RBM34: variants seen among roughly 807,000 people sequenced by gnomAD.
RBM34 encodes RNA binding motif protein 34.
In RBM34, 39 loss-of-function variants were observed where a neutral mutation model predicts 44.6. That is an observed-to-expected ratio of 0.87 (90% confidence interval 0.68 to 1.14). RBM34 has a LOEUF of 1.14. Among genes scored for constraint, RBM34 ranks in the 50% most tolerant of loss-of-function variants. RBM34 has a pLI of 0.00. For synonymous variants in RBM34, 194 were observed against 184.0 expected (o/e 1.05, Z -0.44); for missense variants, 572 against 517.9 (o/e 1.10, Z -1.01).
At position 235,159,776 on chromosome 1, in the gene RBM34, G is replaced by GA. The variant is rs576286631; in HGVS notation, c.365+734dup. Reference sequence around the variant, plus strand: ...CAGCTCCACGGGAGGCCTGAGGCAGGAAAAATCACTTAAACCCGGGAGGTG... The same window carrying GA: ...CAGCTCCACGGGAGGCCTGAGGCAGGAAAAAATCACTTAAACCCGGGAGGTG... On this transcript the variant is annotated intron_variant, in intron 3 of 10. Coordinates refer to ENST00000408888, the MANE Select transcript of RBM34 (RefSeq NM_015014.4). Among the ~76,000 whole-genome samples, 254 of 148,284 alleles carry GA rather than the reference G, an allele frequency of 1.7e-3. 1 individual carries two copies. Among genetic ancestry groups the GA allele is most frequent in the Non-Finnish European group, 2.3e-3 (157 of 67,562 alleles).
At chr1:235,156,445 T>A in intron 3 of RBM34, 1 of 247,036 alleles carries the variant, frequency 4.0e-6, no homozygotes, top group Non-Finnish European at 8.6e-6. Context: ...CATTTTCTAC[T>A]CTAGACCTTT....
chr1:235,155,850 T>TATATATATATATAC (rs1662407405), intron 3 of RBM34, among the ~76,000 whole-genome samples: 1 of 28,812 alleles, frequency 3.5e-5, no homozygotes, highest in Non-Finnish European at 6.0e-5. Flanking sequence ...TATATATATA[T>TATATATATATATAC]ATATATATAT....
chr1:235,139,917 C>A (rs79902876), intron 6 of RBM34, among the ~76,000 whole-genome samples: 1 of 152,066 alleles, frequency 6.6e-6, no homozygotes, highest in Non-Finnish European at 1.5e-5. Flanking sequence ...TAGAGCTCAG[C>A]GTGGGCTGGG....
chr1:235,140,868 A>C (rs959445158), intron 6 of RBM34, among the ~76,000 whole-genome samples: 7 of 146,474 alleles, frequency 4.8e-5, no homozygotes, highest in Admixed American at 3.4e-4. Context: ...TCGACACTCT[A>C]TATCTAGCTA....
rs1023803626 is a variant in RBM34, at chr1:235,160,964, T to C, written c.157A>G (p.Thr53Ala). The C allele has an allele frequency of 1.2e-6, 2 of 1,614,024 alleles. No individual in the cohort carries two copies. Among genetic ancestry groups the C allele is most frequent in the Admixed American group, 1.7e-5 (1 of 59,990 alleles). Residue 53 changes from threonine to alanine, a missense_variant, in exon 2 of 11, where the codon ACC becomes GCC. By Grantham distance (58) the Thr-to-Ala change is moderately conservative. Transcript: ENST00000408888. ...FRGEHHSRGGTGRLASLFSSL... is the reference protein window; with the variant it reads ...FRGEHHSRGGAGRLASLFSSL... ...CTGAAGAGGGACGCCAGCCGACCGGTGCCACCTCTGGAATGGTGTTCGCCG... is the reference window on the plus strand; with the variant it reads ...CTGAAGAGGGACGCCAGCCGACCGGCGCCACCTCTGGAATGGTGTTCGCCG...
chr1:235,132,168 G>C (rs375616401), intron 10 of RBM34, among the ~76,000 whole-genome samples, 171 bp from the exon 11 acceptor site: 1 of 151,746 alleles, frequency 6.6e-6, no homozygotes, highest in Admixed American at 6.6e-5. Flanking sequence ...CACCATGCTC[G>C]TCACCAGTGT....
rs1159762547 is a variant in RBM34 at position 235,139,467 on chromosome 1, G to T, written c.702-1293C>A. Among the ~76,000 whole-genome samples, 3 of 152,056 alleles carry T rather than the reference G, an allele frequency of 2.0e-5. No homozygotes were observed. The East Asian group carries it at 5.8e-4, about 29-fold the overall frequency. Reference sequence around the variant, plus strand: ...GAATAAGGAAGCTGAGACTGGAAGAGGTACGTGACTGCGATGAAATGGCAA... The same window carrying T: ...GAATAAGGAAGCTGAGACTGGAAGATGTACGTGACTGCGATGAAATGGCAA... On this transcript the variant is annotated intron_variant, in intron 6 of 10. Coordinates refer to ENST00000408888, the MANE Select transcript of RBM34 (RefSeq NM_015014.4).
intron 10 of RBM34, among the ~76,000 whole-genome samples, chr1:235,133,540 G>A (rs1661297481): frequency 2.0e-5 from 3 of 152,242 alleles, no homozygotes; most frequent in East Asian, 1.9e-4. Context: ...CTATAAAAAT[G>A]GCAGCACAAG....
At chr1:235,157,927 G>A (rs1399639177) in intron 3 of RBM34, among the ~76,000 whole-genome samples, 6 of 152,156 alleles carry the variant, frequency 3.9e-5, no homozygotes, top group Admixed American at 6.6e-5. Context: ...ATCCAAGTGC[G>A]TGGAAGGGTG....
At chr1:235,140,499 G>A (rs532077047) in intron 6 of RBM34, among the ~76,000 whole-genome samples, 150 of 152,328 alleles carry the variant, frequency 9.8e-4, no homozygotes, top group Middle Eastern at 3.4e-3. Flanking sequence ...CGCTACGCTC[G>A]ATTTCTCACC....
At chr1:235,149,748 G>A (rs1359122126) in intron 5 of RBM34, among the ~76,000 whole-genome samples, 1 of 152,122 alleles carries the variant, frequency 6.6e-6, no homozygotes, top group East Asian at 1.9e-4. Flanking sequence ...AGAAGATCAA[G>A]GTGAAAAGAT....
intron 3 of RBM34, among the ~76,000 whole-genome samples, chr1:235,158,963 TAAA>T (rs143616969): frequency 3.2e-5 from 4 of 125,518 alleles, no homozygotes; most frequent in Admixed American, 8.1e-5. Context: ...ATTTTTTTAC[TAAA>T]AAAAAAAAAA....
chr1:235,146,056 C>A (rs1482966279), intron 6 of RBM34, among the ~76,000 whole-genome samples: 1 of 147,228 alleles, frequency 6.8e-6, no homozygotes, highest in East Asian at 2.0e-4. Context: ...AGCTCCACTT[C>A]CTGAGCTCAG....
chr1:235,152,713 C>A lies in RBM34; in HGVS notation c.650G>T (p.Arg217Leu), dbSNP rs372663591. The A allele has an allele frequency of 6.3e-7, 1 of 1,598,902 alleles. No individual in the cohort carries two copies. Among genetic ancestry groups the A allele is most frequent in the African/African-American group, 1.4e-5 (1 of 74,064 alleles). Residue 217 changes from arginine (R) to leucine (L), a missense_variant, in exon 5 of 11, where the codon CGT (arginine) becomes CTT (leucine). Transcript: ENST00000408888. Reference sequence around the variant, plus strand: ...CGGGGGAATGAAACATACCAGAGAACGAAATCGTACAGATTCTATTTGTCC... The same window carrying A: ...CGGGGGAATGAAACATACCAGAGAAAGAAATCGTACAGATTCTATTTGTCC... Reference protein sequence around the residue: ...EYGQIESVRFRSLIPAEGTLS... With the variant: ...EYGQIESVRFLSLIPAEGTLS...
intron 8 of RBM34, among the ~76,000 whole-genome samples, chr1:235,137,371 C>T (rs1397532914): frequency 6.6e-6 from 1 of 152,008 alleles, no homozygotes; most frequent in African/African-American, 2.4e-5. Flanking sequence ...TTGAAGAGGA[C>T]TATGTTTTTG....
intron 3 of RBM34, among the ~76,000 whole-genome samples, chr1:235,157,745 T>C (rs1662511444): frequency 6.6e-6 from 1 of 152,084 alleles, no homozygotes; most frequent in South Asian, 2.1e-4. Flanking sequence ...AGAAGAGATT[T>C]CTCTCAGAGA....
chr1:235,158,660 T>C (rs1365358128), intron 3 of RBM34, among the ~76,000 whole-genome samples: 2 of 152,046 alleles, frequency 1.3e-5, no homozygotes, highest in African/African-American at 4.8e-5. Context: ...CTGTCAGTGA[T>C]TAACAGCTCC....
chr1:235,149,388 C>CAAAAAAAAAAAAAAAAAA (rs1171671362), intron 5 of RBM34, among the ~76,000 whole-genome samples: 1 of 58,002 alleles, frequency 1.7e-5, no homozygotes, highest in Non-Finnish European at 3.6e-5. Context: ...GACTCCGTCT[C>CAAAAAAAAAAAAAAAAAA]AAAAAAAAAA....
chr1:235,135,003 C>T (rs1661356956), intron 10 of RBM34, among the ~76,000 whole-genome samples: 1 of 151,768 alleles, frequency 6.6e-6, no homozygotes, highest in Admixed American at 6.6e-5. Context: ...CTCGGCCTCC[C>T]AAAGTGCTGG....
Sources: allele counts gnomAD v4.1 joint callset (sites outside exome capture counted in the v4.1 genomes callset), GRCh38; gene constraint gnomAD v4.1.1; transcripts MANE v1.5; gene names NCBI Gene and HGNC (gene_info 2026-07-23, HGNC 2026-07-21).